Variants in LRP1B observed in about 807,000 individuals in gnomAD.
The protein encoded by LRP1B is low-density lipoprotein receptor-related protein 1B.
Under a neutral mutation model 556.6 loss-of-function variants are expected in LRP1B, and 217 were observed. The observed-to-expected ratio is 0.39, with a 90% CI of 0.35 to 0.44. The LOEUF is 0.44. Among genes scored for constraint, LRP1B ranks in the 20% least tolerant of loss-of-function variants. The probability of loss-of-function intolerance (pLI) is 1.00; values close to 1 mark genes in which losing one functional copy is unlikely to be tolerated. For missense variants in LRP1B, 5,053 were observed against 5,620.8 expected (o/e 0.90, Z 3.23); for synonymous variants, 2,047 against 1,865.8 (o/e 1.10, Z -2.50).
chr2:140,866,865 G>A (rs1395284816), intron 27 of LRP1B, among the ~76,000 whole-genome samples: 1 of 152,048 alleles, frequency 6.6e-6, no homozygotes, highest in Admixed American at 6.6e-5. Context: ...TAGAAGGTCT[G>A]CTTATTCCAC....
intron 2 of LRP1B, among the ~76,000 whole-genome samples, chr2:141,557,694 T>C (rs1210290975): frequency 6.6e-6 from 1 of 151,896 alleles, no homozygotes; most frequent in African/African-American, 2.4e-5. Flanking sequence ...TGGAGAAACC[T>C]TGTGGAATAA....
intron 3 of LRP1B, among the ~76,000 whole-genome samples, chr2:141,375,099 G>A (rs965520882): frequency 6.6e-6 from 1 of 152,072 alleles, no homozygotes; most frequent in Non-Finnish European, 1.5e-5. Context: ...GATTTTGGGT[G>A]CCTGTGGTAG....
intron 41 of LRP1B, among the ~76,000 whole-genome samples, chr2:140,689,716 G>A (rs1391019537): frequency 6.6e-6 from 1 of 152,094 alleles, no homozygotes; most frequent in African/African-American, 2.4e-5. Flanking sequence ...TTCTCCTTCT[G>A]TTCATCCTTC....
At chr2:140,549,495 C>A (rs555680295) in intron 43 of LRP1B, among the ~76,000 whole-genome samples, 1 of 152,248 alleles carries the variant, frequency 6.6e-6, no homozygotes, top group Non-Finnish European at 1.5e-5. Context: ...GCCTATCTGT[C>A]CAACTCACTG....
intron 80 of LRP1B, among the ~76,000 whole-genome samples, chr2:140,324,899 T>C (rs1367819701): frequency 6.8e-6 from 1 of 146,256 alleles, no homozygotes; most frequent in African/African-American, 2.6e-5. Flanking sequence ...TCTGAGGCCA[T>C]TGATTAAAAA....
At chr2:140,854,101 AAAG>A (rs1692542881) in intron 27 of LRP1B, among the ~76,000 whole-genome samples, 1 of 151,826 alleles carries the variant, frequency 6.6e-6, no homozygotes, top group Admixed American at 6.6e-5. Context: ...AGAAAAGAAA[AAAG>A]AGAGGAGTAA....
intron 66 of LRP1B, among the ~76,000 whole-genome samples, chr2:140,417,023 G>A (rs577312810): frequency 2.0e-5 from 3 of 152,246 alleles, no homozygotes; most frequent in Non-Finnish European, 2.9e-5. Context: ...GAAAATACTC[G>A]CTTTGTATAA....
chr2:141,281,125 T>G (rs1473096981), intron 3 of LRP1B, among the ~76,000 whole-genome samples: 1 of 152,048 alleles, frequency 6.6e-6, no homozygotes, highest in East Asian at 1.9e-4. Context: ...AGCTTTTTAC[T>G]TTAATTTACC....
At chr2:141,383,808 C>T (rs1689728595) in intron 3 of LRP1B, among the ~76,000 whole-genome samples, 2 of 151,994 alleles carry the variant, frequency 1.3e-5, no homozygotes, top group African/African-American at 2.4e-5. Flanking sequence ...AATAGTCAAA[C>T]TCATAGAAGC....
intron 2 of LRP1B, among the ~76,000 whole-genome samples, chr2:141,700,528 T>C (rs1291912770): frequency 1.6e-4 from 25 of 151,812 alleles, no homozygotes; most frequent in Admixed American, 1.3e-3. Context: ...TAAATTATTA[T>C]GTGCACACCT....
intron 84 of LRP1B, among the ~76,000 whole-genome samples, chr2:140,291,944 T>C (rs1262591871): frequency 6.6e-6 from 1 of 152,208 alleles, no homozygotes; most frequent in African/African-American, 2.4e-5. Context: ...AAAGTGTTCC[T>C]ATTTCTCCAC....
In LRP1B at chr2:140,883,936, G is replaced by A; in HGVS notation, c.4050C>T (p.Tyr1350=). The A allele has an allele frequency of 1.2e-6, 2 of 1,613,718 alleles. No homozygotes were observed. The highest frequency in any genetic ancestry group is 1.7e-6 in the Non-Finnish European group (2 of 1,179,942). The change falls in exon 25 of 91, where the codon TAC becomes TAT. Residue 1350 remains tyrosine (Y), a synonymous_variant. Coordinates refer to ENST00000389484, the MANE Select transcript of LRP1B (RefSeq NM_018557.3). ...TTTGGTCCAGATTGCTGTCTATCCA[G>A]TATATGTTTCCTGCTATCCAGTCGA... ...LTVDWIAGNI[Y]WIDSNLDQIE... is the part of the protein sequence containing the mutation.
chr2:140,992,248 C>A (rs1029042820), intron 16 of LRP1B, among the ~76,000 whole-genome samples: 6 of 151,620 alleles, frequency 4.0e-5, no homozygotes, highest in African/African-American at 1.2e-4. Context: ...GGAAAAAAAA[C>A]ACAAAAAAAC....
At chr2:141,592,236 G>A (rs1050003300) in intron 2 of LRP1B, among the ~76,000 whole-genome samples, 4 of 152,114 alleles carry the variant, frequency 2.6e-5, no homozygotes, top group African/African-American at 9.7e-5. Context: ...TGTTCAGGCT[G>A]CTAGAACAAA....
At chr2:140,905,392 C>T (rs933064296) in intron 22 of LRP1B, among the ~76,000 whole-genome samples, 1 of 152,154 alleles carries the variant, frequency 6.6e-6, no homozygotes, top group Non-Finnish European at 1.5e-5. Context: ...TGAACCTCCT[C>T]TTAGAGTAGT....
chr2:140,301,938 CAT>C (rs1558783863), intron 83 of LRP1B, among the ~76,000 whole-genome samples: 1 of 151,710 alleles, frequency 6.6e-6, no homozygotes, highest in Non-Finnish European at 1.5e-5. Flanking sequence ...TACATATACA[CAT>C]ACCCTATTTC....
chr2:140,869,226 C>T (rs996500450), intron 25 of LRP1B, among the ~76,000 whole-genome samples: 3 of 152,072 alleles, frequency 2.0e-5, no homozygotes, highest in Non-Finnish European at 4.4e-5. Context: ...TTCATTCATT[C>T]AATAAATTTT....
chr2:141,433,990 T>C (rs1349231441), intron 3 of LRP1B, among the ~76,000 whole-genome samples: 2 of 152,054 alleles, frequency 1.3e-5, no homozygotes, highest in Non-Finnish European at 2.9e-5. Context: ...TCTCTTTTAC[T>C]TGATGAGTTG....
At chr2:141,866,561 C>G (rs901459569) in intron 1 of LRP1B, among the ~76,000 whole-genome samples, 1 of 152,078 alleles carries the variant, frequency 6.6e-6, no homozygotes. Flanking sequence ...AGTGCCTGAG[C>G]TTACTACTTT....
Sources: gnomAD v4.1 joint callset for allele counts (sites outside exome capture counted in the v4.1 genomes callset) on GRCh38, gnomAD v4.1.1 for gene constraint, MANE v1.5 for transcripts, NCBI Gene and HGNC (gene_info 2026-07-23, HGNC 2026-07-21) for gene names.